Variants in NRG1 observed in about 807,000 individuals in gnomAD.
NRG1 encodes the protein neuregulin 1, also known as pro-neuregulin-1, membrane-bound isoform.
A neutral mutation model predicts 63.8 loss-of-function variants in NRG1; 18 were observed. The observed-to-expected ratio is 0.28, with a 90% confidence interval of 0.19 to 0.42. The LOEUF is 0.42. NRG1 is among the 10% of genes least tolerant of loss of function. The pLI is 1.00. For synonymous variants in NRG1, 302 were observed against 301.3 expected (o/e 1.00, Z -0.02); for missense variants, 762 against 814.7 (o/e 0.94, Z 0.79).
At chr8:31,726,162 G>T (rs1229505217) in intron 1 of NRG1, among the ~76,000 whole-genome samples, 1 of 152,032 alleles carries the variant, frequency 6.6e-6, no homozygotes, top group Admixed American at 6.6e-5. Context: ...AAAAAGAAAA[G>T]AACAGTCTGG....
chr8:32,676,097 G>C (rs975793518), intron 5 of NRG1, among the ~76,000 whole-genome samples: 1 of 152,188 alleles, frequency 6.6e-6, no homozygotes, highest in Non-Finnish European at 1.5e-5. Context: ...TAACAGATGA[G>C]TGTTGCCATG....
intron 5 of NRG1, among the ~76,000 whole-genome samples, chr8:32,656,284 A>G (rs1288901706): frequency 6.6e-6 from 1 of 152,146 alleles, no homozygotes; most frequent in Non-Finnish European, 1.5e-5. Context: ...TGGACAAAAA[A>G]ACTTCTAGCC....
chr8:32,685,396 G>A (rs1430979094), intron 5 of NRG1, among the ~76,000 whole-genome samples: 1 of 152,078 alleles, frequency 6.6e-6, no homozygotes, highest in Non-Finnish European at 1.5e-5. Context: ...CTCCTCCCTT[G>A]GAGACTTGTC....
In NRG1 at chr8:31,892,946, T is replaced by C. The variant is rs113616175; in HGVS notation, c.37+253515T>C. Among the ~76,000 whole-genome samples, 6 of 152,102 alleles carry C rather than the reference T, an allele frequency of 3.9e-5. 1 individual carries two copies. Among genetic ancestry groups the C allele is most frequent in the African/African-American group, 1.4e-4 (6 of 41,536 alleles). On this transcript the variant is annotated intron_variant, in intron 1 of 10. Transcript: ENST00000519301. ...ATGTATAAAACAGCTAATTTTCTGG[T>C]AAGATATAATATGTGGGATTATCAC...
At chr8:31,960,645 TG>T (rs1259126263) in intron 1 of NRG1, among the ~76,000 whole-genome samples, 3 of 152,214 alleles carry the variant, frequency 2.0e-5, no homozygotes, top group Non-Finnish European at 4.4e-5. Context: ...GAGCTACTTT[TG>T]GCAGCTTGTT....
intron 5 of NRG1, among the ~76,000 whole-genome samples, chr8:32,704,791 T>G (rs966218600): frequency 2.0e-5 from 3 of 152,206 alleles, no homozygotes; most frequent in Admixed American, 6.5e-5. Flanking sequence ...CAAACAAAAT[T>G]ATATTTATCA....
chr8:31,831,430 T>G (rs1825154411), intron 1 of NRG1, among the ~76,000 whole-genome samples: 1 of 152,070 alleles, frequency 6.6e-6, no homozygotes, highest in Non-Finnish European at 1.5e-5. Context: ...GTTTGAGATT[T>G]TTTTTGGAAA....
rs182765705 is a variant in NRG1, at chr8:32,459,450, C to T, written c.38-136378C>T. The stretch of plus-strand genomic sequence containing the variant: ...ACGTTTGCCTTTTCTAACAAATTCT[C>T]CTTAAAACAGCCAGAATGATCTCTT... On this transcript the variant is annotated intron_variant, in intron 1 of 10. Transcript: ENST00000519301. 3.3e-5 allele frequency among the ~76,000 whole-genome samples: 5 copies of T among 151,900 alleles called. No homozygotes were observed. The East Asian group carries it at 9.7e-4, about 29-fold the overall frequency.
At chr8:32,616,531 T>A (rs554661401) in intron 4 of NRG1, among the ~76,000 whole-genome samples, 1 of 152,280 alleles carries the variant, frequency 6.6e-6, no homozygotes, top group Non-Finnish European at 1.5e-5. Context: ...CTTTCTCACC[T>A]GTGGTGTGTA....
rs150893812 is a variant in NRG1, at chr8:32,435,241, G to A, written c.38-160587G>A. Among the ~76,000 whole-genome samples, 281 of 152,264 alleles carry A rather than the reference G, an allele frequency of 1.8e-3. 4 individuals are homozygous for A. The highest frequency in any genetic ancestry group is 6.4e-3 in the African/African-American group (268 of 41,562). Reference sequence around the variant, plus strand: ...AAGCTATCATCATGGCAACCCCAGAGTCCCATTGGTTTGCCTATTGGTTAG... The same window carrying A: ...AAGCTATCATCATGGCAACCCCAGAATCCCATTGGTTTGCCTATTGGTTAG... On this transcript the variant is annotated intron_variant, in intron 1 of 10. Transcript: ENST00000519301.
chr8:32,266,073 G>T (rs1190057040), intron 1 of NRG1, among the ~76,000 whole-genome samples: 4 of 152,072 alleles, frequency 2.6e-5, no homozygotes, highest in African/African-American at 9.7e-5. Context: ...AGAGATGATT[G>T]TCCATTAAAA....
chr8:32,382,551 T>A (rs933285792), intron 1 of NRG1, among the ~76,000 whole-genome samples: 5 of 152,190 alleles, frequency 3.3e-5, no homozygotes, highest in Non-Finnish European at 7.3e-5. Flanking sequence ...AATATAAGAT[T>A]AAGGTTTGCA....
chr8:32,710,042 C>T (rs1475686496), intron 5 of NRG1, among the ~76,000 whole-genome samples: 3 of 152,096 alleles, frequency 2.0e-5, no homozygotes, highest in Non-Finnish European at 4.4e-5. Context: ...TTTAACCAAA[C>T]GAAAGATGTC....
At chr8:32,689,604 C>T (rs979401080) in intron 5 of NRG1, among the ~76,000 whole-genome samples, 1 of 152,016 alleles carries the variant, frequency 6.6e-6, no homozygotes, top group Admixed American at 6.6e-5. Flanking sequence ...AACAAAGAAG[C>T]AAATTACATA....
At chr8:32,616,204 T>G (rs766723605) in intron 4 of NRG1, among the ~76,000 whole-genome samples, 1 of 152,066 alleles carries the variant, frequency 6.6e-6, no homozygotes, top group Non-Finnish European at 1.5e-5. Context: ...GACTGTTTTT[T>G]CTTCTTTTAT....
At chr8:32,648,434 G>C (rs771897797) in intron 5 of NRG1, 1 of 1,580,440 alleles carries the variant, frequency 6.3e-7, no homozygotes, top group African/African-American at 1.4e-5. Flanking sequence ...TAAAAGGGGT[G>C]GGTTTGAGGT....
chr8:31,830,334 C>A (rs559338115), intron 1 of NRG1, among the ~76,000 whole-genome samples: 31 of 110,472 alleles, frequency 2.8e-4, no homozygotes, highest in Middle Eastern at 4.3e-3. Context: ...TCCTTCCTTC[C>A]TTCCTTCCTT....
intron 1 of NRG1, among the ~76,000 whole-genome samples, chr8:32,401,915 G>A (rs1470502682): frequency 1.3e-5 from 2 of 152,022 alleles, no homozygotes; most frequent in Non-Finnish European, 2.9e-5. Context: ...TTTTTTGTTT[G>A]TTTGTTTGTT....
At chr8:31,971,401 T>C (rs777412790) in intron 1 of NRG1, among the ~76,000 whole-genome samples, 1 of 152,196 alleles carries the variant, frequency 6.6e-6, no homozygotes, top group Non-Finnish European at 1.5e-5. Flanking sequence ...AGGTCTCCCG[T>C]GCATTTTAAG....
Sources: gnomAD v4.1 joint callset for allele counts (sites outside exome capture counted in the v4.1 genomes callset) on GRCh38, gnomAD v4.1.1 for gene constraint, MANE v1.5 for transcripts, NCBI Gene and HGNC (gene_info 2026-07-23, HGNC 2026-07-21) for gene names.